The following CSMD1 variants were observed in gnomAD, a reference collection of about 807,000 sequenced individuals.
The protein encoded by CSMD1 is CUB and Sushi multiple domains 1, also known as CUB and sushi domain-containing protein 1.
Under a neutral mutation model 417.5 loss-of-function variants are expected in CSMD1, and 213 were observed. The observed-to-expected ratio is 0.51, with a 90% CI of 0.46 to 0.57. CSMD1 has a LOEUF of 0.57. CSMD1 is among the 20% of genes least tolerant of loss of function. The probability of loss-of-function intolerance (pLI) is 0.00; values close to 1 mark genes in which losing one functional copy is unlikely to be tolerated. For missense variants in CSMD1, 6,923 were observed against 4,529.7 expected, an observed-to-expected ratio of 1.53 and a Z score of -15.17; for synonymous variants, 2,862 against 1,736.8, an observed-to-expected ratio of 1.65 and a Z score of -16.11.
At chr8:3,251,486 G>T (rs1585799467) in intron 26 of CSMD1, among the ~76,000 whole-genome samples, 1 of 151,330 alleles carries the variant, frequency 6.6e-6, no homozygotes, top group African/African-American at 2.4e-5. Context: ...ATAGTTTGAA[G>T]TCAGGTAGCA....
At chr8:4,686,689 G>A (rs1222333271) in intron 1 of CSMD1, among the ~76,000 whole-genome samples, 1 of 152,184 alleles carries the variant, frequency 6.6e-6, no homozygotes, top group Non-Finnish European at 1.5e-5. Context: ...CCTTACGAAG[G>A]CTCATATTAC....
chr8:4,602,978 T>G (rs949389036), intron 2 of CSMD1, among the ~76,000 whole-genome samples: 3 of 152,006 alleles, frequency 2.0e-5, no homozygotes, highest in African/African-American at 7.2e-5. Context: ...TCAGACTATT[T>G]GTAATTTAGT....
chr8:4,407,094 A>T (rs956052556), intron 3 of CSMD1, among the ~76,000 whole-genome samples: 6 of 152,180 alleles, frequency 3.9e-5, no homozygotes, highest in African/African-American at 1.4e-4. Context: ...GCGCTTTCAT[A>T]CTGTAGCAGC....
rs553052622 is a variant in CSMD1, at chr8:4,151,611, G to C, written c.416-119512C>G. On this transcript the variant is annotated intron_variant, in intron 3 of 69. Transcript: ENST00000635120. ...GTCAGATATGTTTCTCATGGATTGT[G>C]ACATGTAGTTTCACTTTGTTATCAA... is the stretch of plus-strand genomic sequence containing the variant. 1.2e-4 allele frequency among the ~76,000 whole-genome samples: 18 copies of C among 152,202 alleles called. No individual in the cohort carries two copies. The South Asian group carries it at 3.7e-3, about 32-fold the overall frequency.
intron 2 of CSMD1, among the ~76,000 whole-genome samples, chr8:4,498,238 C>G (rs1585168163): frequency 2.0e-5 from 3 of 152,270 alleles, no homozygotes; most frequent in Middle Eastern, 6.8e-3. Flanking sequence ...TGACTCAACT[C>G]TTGCTTAGCT....
intron 3 of CSMD1, among the ~76,000 whole-genome samples, chr8:4,351,309 A>C (rs1435937647): frequency 2.6e-5 from 4 of 152,236 alleles, no homozygotes; most frequent in African/African-American, 9.6e-5. Context: ...TTCAATGCTA[A>C]ATGTTTCTCC....
intron 18 of CSMD1, among the ~76,000 whole-genome samples, chr8:3,384,530 C>A (rs76943884): frequency 0.016 from 2,397 of 150,896 alleles, 60 homozygotes; most frequent in African/African-American, 0.055. Flanking sequence ...TGCTCTGATA[C>A]AACATGGGAC....
intron 3 of CSMD1, among the ~76,000 whole-genome samples, chr8:4,255,126 T>C (rs1416324179): frequency 6.6e-6 from 1 of 152,186 alleles, no homozygotes; most frequent in African/African-American, 2.4e-5. Flanking sequence ...TTTGAGAGTA[T>C]CAGTTTTTAG....
intron 37 of CSMD1, among the ~76,000 whole-genome samples, chr8:3,168,433 T>A (rs1259918257): frequency 1.3e-5 from 2 of 152,166 alleles, no homozygotes; most frequent in African/African-American, 4.8e-5. Context: ...TAACTCTTAA[T>A]TCGAAAAATC....
chr8:4,076,266 G>T lies in CSMD1; in HGVS notation c.416-44167C>A, dbSNP rs1179307665. On this transcript the variant is annotated intron_variant, in intron 3 of 69. Coordinates refer to ENST00000635120, the MANE Select transcript of CSMD1 (RefSeq NM_033225.6). ...CTTCTCTCTCCTGCCACTATGTGAA[G>T]AAGAATATGTTTGCTTCTCCCTCTG... 2.6e-5 allele frequency among the ~76,000 whole-genome samples: 4 copies of T among 152,170 alleles called. No individual in the cohort carries two copies. The East Asian group carries it at 7.7e-4, about 29-fold the overall frequency.
At chr8:4,736,594 A>G (rs1045992969) in intron 1 of CSMD1, among the ~76,000 whole-genome samples, 2 of 152,220 alleles carry the variant, frequency 1.3e-5, no homozygotes, top group Non-Finnish European at 2.9e-5. Flanking sequence ...GGGTTTGCAC[A>G]TATTGTACTG....
At chr8:4,161,420 A>C (rs908208808) in intron 3 of CSMD1, among the ~76,000 whole-genome samples, 2 of 152,214 alleles carry the variant, frequency 1.3e-5, no homozygotes, top group African/African-American at 4.8e-5. Flanking sequence ...ATTCCTCCTT[A>C]ATTTTTTAGA....
chr8:3,840,530 T>C (rs999021564), intron 5 of CSMD1, among the ~76,000 whole-genome samples: 3 of 152,014 alleles, frequency 2.0e-5, no homozygotes, highest in African/African-American at 7.3e-5. Flanking sequence ...GTAGAGGAAA[T>C]GCATTCATGT....
At chr8:4,113,607 T>C (rs1563140314) in intron 3 of CSMD1, among the ~76,000 whole-genome samples, 1 of 152,018 alleles carries the variant, frequency 6.6e-6, no homozygotes, top group Non-Finnish European at 1.5e-5. Flanking sequence ...AGTTTCACTG[T>C]GTTAGCCAGG....
At chr8:2,965,696 G>T in intron 59 of CSMD1, 79 bp downstream of exon 59, 2 of 1,326,422 alleles carry the variant, frequency 1.5e-6, no homozygotes, top group Non-Finnish European at 2.1e-6. Flanking sequence ...CTACATAAAT[G>T]CTTGCAAAAT....
intron 1 of CSMD1, among the ~76,000 whole-genome samples, chr8:4,805,488 A>C (rs2118574): frequency 0.072 from 11,001 of 152,064 alleles, 660 homozygotes; most frequent in East Asian, 0.23. Flanking sequence ...TCAGCGAGTG[A>C]AACGCCACCA....
At chr8:4,117,435 C>A (rs992771652) in intron 3 of CSMD1, among the ~76,000 whole-genome samples, 5 of 151,982 alleles carry the variant, frequency 3.3e-5, no homozygotes, top group Non-Finnish European at 4.4e-5. Flanking sequence ...CAAGCAGGAC[C>A]GCATGCTGCA....
chr8:4,047,120 G>A (rs186364873), intron 3 of CSMD1, among the ~76,000 whole-genome samples: 3 of 152,158 alleles, frequency 2.0e-5, no homozygotes, highest in Admixed American at 6.5e-5. Context: ...TTCAATGGAA[G>A]CTGTGGAAGA....
chr8:4,821,544 A>T (rs1289678317), intron 1 of CSMD1, among the ~76,000 whole-genome samples: 2 of 152,120 alleles, frequency 1.3e-5, no homozygotes, highest in Non-Finnish European at 2.9e-5. Context: ...CACAAAGAAA[A>T]CTTAAAGCAT....
Sources: gnomAD v4.1 joint callset for allele counts (sites outside exome capture counted in the v4.1 genomes callset) on GRCh38, gnomAD v4.1.1 for gene constraint, MANE v1.5 for transcripts, NCBI Gene and HGNC (gene_info 2026-07-23, HGNC 2026-07-21) for gene names.